ADK: variants seen among roughly 807,000 people sequenced by gnomAD.
The protein encoded by ADK is adenosine kinase, also known as N6,N6-dimethyladenosine kinase.
ADK carries 24 observed loss-of-function variants against 44.7 expected under a neutral mutation model. The ratio of observed to expected loss-of-function variants is 0.54; its 90% CI spans 0.39 to 0.76. The LOEUF is 0.76. Ranked by LOEUF, ADK falls within the 30% of genes least tolerant of loss-of-function variation. The pLI is 0.00. For missense variants in ADK, 321 were observed against 425.1 expected, an observed-to-expected ratio of 0.76 and a Z score of 2.15; for synonymous variants, 128 against 142.6, an observed-to-expected ratio of 0.90 and a Z score of 0.73.
In ADK at chr10:74,303,588, G is replaced by GTTGTTTTTTTTTTTTT. The variant is rs1840139803; in HGVS notation, c.195-11077_195-11076insGTTTTTTTTTTTTTTT. ...CACTTTTCATATTGGTTTTAATGTT[G>GTTGTTTTTTTTTTTTT]TTTTTTTTTTTTTTTTTTTTTTTTT... On this transcript the variant is annotated intron_variant, in intron 3 of 10. Coordinates refer to ENST00000539909, the MANE Select transcript of ADK (RefSeq NM_006721.4). 5.0e-4 allele frequency among the ~76,000 whole-genome samples: 34 copies of GTTGTTTTTTTTTTTTT among 68,576 alleles called. 2 individuals are homozygous for GTTGTTTTTTTTTTTTT. Among genetic ancestry groups the GTTGTTTTTTTTTTTTT allele is most frequent in the African/African-American group, 2.6e-3 (33 of 12,698 alleles). The allele number at this position is 68,576 out of a possible 152,430, so 45.0% of individuals were successfully genotyped here.
intron 9 of ADK, among the ~76,000 whole-genome samples, chr10:74,632,744 T>A (rs540882743): frequency 1.3e-5 from 2 of 152,158 alleles, no homozygotes; most frequent in Non-Finnish European, 2.9e-5. Flanking sequence ...CAGATGGACA[T>A]GAATTCAGGG....
At chr10:74,465,682 A>G (rs143389530) in intron 6 of ADK, among the ~76,000 whole-genome samples, 789 of 152,316 alleles carry the variant, frequency 5.2e-3, no homozygotes, top group Admixed American at 8.2e-3. Flanking sequence ...GGTAGATTTA[A>G]TAGAAATTGC....
intron 3 of ADK, among the ~76,000 whole-genome samples, chr10:74,245,588 G>GTTT (rs1452811124): frequency 2.5e-5 from 2 of 81,312 alleles, no homozygotes; most frequent in Middle Eastern, 9.3e-3. Flanking sequence ...CATAGTTTTT[G>GTTT]TTTTTGTTTT....
At chr10:74,684,081 G>A (rs1855709347) in intron 10 of ADK, among the ~76,000 whole-genome samples, 1 of 152,198 alleles carries the variant, frequency 6.6e-6, no homozygotes, top group East Asian at 1.9e-4. Context: ...TTTCACTGCA[G>A]TTTTTCATTG....
At chr10:74,176,819 C>A in intron 1 of ADK, 1 of 1,602,950 alleles carries the variant, frequency 6.2e-7, no homozygotes. Flanking sequence ...GCTGCCCGAG[C>A]GGACGTAGAG....
intron 3 of ADK, among the ~76,000 whole-genome samples, chr10:74,288,235 A>C (rs950283018): frequency 6.6e-6 from 1 of 152,220 alleles, no homozygotes; most frequent in Non-Finnish European, 1.5e-5. Flanking sequence ...TGTTACATCA[A>C]CTTGAAGTAC....
chr10:74,229,358 T>G (rs967263564), intron 3 of ADK, among the ~76,000 whole-genome samples: 14 of 151,160 alleles, frequency 9.3e-5, no homozygotes, highest in African/African-American at 3.4e-4. Flanking sequence ...TAGGGATATG[T>G]CAGGGAAGTT....
chr10:74,585,082 G>C (rs1417105960), intron 7 of ADK, among the ~76,000 whole-genome samples: 1 of 152,044 alleles, frequency 6.6e-6, no homozygotes, highest in Non-Finnish European at 1.5e-5. Flanking sequence ...CTTTTTAATA[G>C]TGGCTTGCTG....
chr10:74,652,046 C>CTTTT lies in ADK; in HGVS notation c.878-18134_878-18133insTTTT, dbSNP rs1401635840. ...GAAGGGATATGAAGGAACTTTCTTT[C>CTTTT]TTTCTTTTTTTTTTTTTTTGAGACA... is the stretch of plus-strand genomic sequence containing the variant. On this transcript the variant is annotated intron_variant, in intron 9 of 10. Transcript: ENST00000539909. Among the ~76,000 whole-genome samples the CTTTT allele has an allele frequency of 6.4e-4, 89 of 138,466 alleles. 4 individuals carry two copies. The highest frequency in any genetic ancestry group is 1.3e-3 in the East Asian group (6 of 4,552). The allele number at this position is 138,466 out of a possible 152,430, so 90.8% of individuals were successfully genotyped here. A position where few individuals can be genotyped will look rare whatever the true frequency, so the allele number is the denominator to read the frequency against.
chr10:74,293,818 A>C (rs1839714336), intron 3 of ADK, among the ~76,000 whole-genome samples: 1 of 152,214 alleles, frequency 6.6e-6, no homozygotes, highest in South Asian at 2.1e-4. Context: ...ATACATAGAA[A>C]GGTATAAAAA....
At chr10:74,696,358 ATTTTTG>A (rs1371984954) in intron 10 of ADK, among the ~76,000 whole-genome samples, 1 of 148,306 alleles carries the variant, frequency 6.7e-6, no homozygotes, top group South Asian at 2.1e-4. Flanking sequence ...TTATTTATTT[ATTTTTG>A]TTTTTGTTTT....
intron 3 of ADK, among the ~76,000 whole-genome samples, chr10:74,276,095 G>A (rs111226920): frequency 0.027 from 4,087 of 152,244 alleles, 167 homozygotes; most frequent in African/African-American, 0.082. Context: ...CCACCCCAAA[G>A]TGAGCATAGG....
intron 1 of ADK, among the ~76,000 whole-genome samples, chr10:74,182,161 A>G (rs1411581415): frequency 6.6e-6 from 1 of 152,134 alleles, no homozygotes; most frequent in Admixed American, 6.6e-5. Context: ...GTCTTTGTTG[A>G]GTTGGTTTCT....
At chr10:74,265,991 C>T (rs923316350) in intron 3 of ADK, among the ~76,000 whole-genome samples, 1 of 151,626 alleles carries the variant, frequency 6.6e-6, no homozygotes, top group African/African-American at 2.4e-5. Flanking sequence ...AATAGTTGTT[C>T]CTAAAGTAAT....
At chr10:74,704,814 C>A (rs1340720160) in intron 10 of ADK, among the ~76,000 whole-genome samples, 2 of 152,204 alleles carry the variant, frequency 1.3e-5, no homozygotes, top group African/African-American at 4.8e-5. Flanking sequence ...GCATTGTAAG[C>A]TGATCTGACT....
chr10:74,579,713 C>T (rs1410516028), intron 7 of ADK, among the ~76,000 whole-genome samples: 3 of 152,124 alleles, frequency 2.0e-5, no homozygotes, highest in Non-Finnish European at 2.9e-5. Flanking sequence ...GACAGAGCTC[C>T]ACAGAGATAG....
chr10:74,409,816 A>G (rs1300521185), intron 6 of ADK, among the ~76,000 whole-genome samples: 4 of 152,230 alleles, frequency 2.6e-5, no homozygotes, highest in Non-Finnish European at 5.9e-5. Context: ...ACAAAGAAAC[A>G]GAAGTATATG....
intron 7 of ADK, among the ~76,000 whole-genome samples, chr10:74,579,129 G>A (rs1348109354): frequency 6.6e-6 from 1 of 151,958 alleles, no homozygotes; most frequent in Non-Finnish European, 1.5e-5. Context: ...AGCTTCTAGG[G>A]AGACTGAGGC....
At chr10:74,651,128 T>C (rs74537038) in intron 9 of ADK, among the ~76,000 whole-genome samples, 5,742 of 152,222 alleles carry the variant, frequency 0.038, 344 homozygotes, top group African/African-American at 0.13. Flanking sequence ...AGGGATAGTT[T>C]AGAACCAGTT....
Sources: gnomAD v4.1 joint callset for allele counts (sites outside exome capture counted in the v4.1 genomes callset) on GRCh38, gnomAD v4.1.1 for gene constraint, MANE v1.5 for transcripts, NCBI Gene and HGNC (gene_info 2026-07-23, HGNC 2026-07-21) for gene names.